TDRD3: variants seen among roughly 807,000 people sequenced by gnomAD.
The protein encoded by TDRD3 is tudor domain-containing protein 3.
A neutral mutation model predicts 86.7 loss-of-function variants in TDRD3; 45 were observed. The observed-to-expected ratio is 0.52, with a 90% CI of 0.41 to 0.67. TDRD3 has a LOEUF of 0.67. Among genes scored for constraint, TDRD3 ranks in the 30% least tolerant of loss-of-function variants. The pLI is 0.00. For missense variants in TDRD3, 814 were observed against 889.0 expected (o/e 0.92, Z 1.07); for synonymous variants, 298 against 301.7 (o/e 0.99, Z 0.13).
intron 5 of TDRD3, among the ~76,000 whole-genome samples, chr13:60,474,813 A>G (rs889079731): frequency 4.0e-5 from 6 of 151,852 alleles, no homozygotes; most frequent in Non-Finnish European, 5.9e-5. Flanking sequence ...GTAAAGATCA[A>G]GTTCCTGCAT....
chr13:60,443,789 T>C (rs1566195345), intron 2 of TDRD3, among the ~76,000 whole-genome samples: 1 of 151,920 alleles, frequency 6.6e-6, no homozygotes, highest in East Asian at 1.9e-4. Context: ...GAGCTACTGT[T>C]TACTATATTA....
chr13:60,407,104 C>T (rs1194588007), intron 1 of TDRD3, among the ~76,000 whole-genome samples: 1 of 152,138 alleles, frequency 6.6e-6, no homozygotes, highest in African/African-American at 2.4e-5. Context: ...GGAATTGACT[C>T]AGTTCAAGCT....
intron 7 of TDRD3, among the ~76,000 whole-genome samples, chr13:60,489,855 T>G (rs781249092): frequency 6.6e-6 from 1 of 152,164 alleles, no homozygotes; most frequent in Non-Finnish European, 1.5e-5. Context: ...AGAATATATT[T>G]TTTAAAATGA....
At chr13:60,423,320 AACAT>A in intron 1 of TDRD3, among the ~76,000 whole-genome samples, 1 of 152,306 alleles carries the variant, frequency 6.6e-6, no homozygotes, top group Non-Finnish European at 1.5e-5. Flanking sequence ...CATACATAGA[AACAT>A]ACCAGTAACA....
At chr13:60,431,896 G>C (rs952735612) in intron 1 of TDRD3, among the ~76,000 whole-genome samples, 6 of 151,778 alleles carry the variant, frequency 4.0e-5, no homozygotes, top group Admixed American at 6.6e-5. Context: ...ACTTTAAATA[G>C]TACGTACCTT....
chr13:60,494,682 T>A (rs73208075), intron 8 of TDRD3, 107 bp downstream of exon 8: 4 of 966,564 alleles, frequency 4.1e-6, no homozygotes, highest in Non-Finnish European at 5.8e-6. Context: ...TATGGATAGA[T>A]GTTATAACTC....
intron 5 of TDRD3, among the ~76,000 whole-genome samples, chr13:60,479,736 A>T (rs1956271292): frequency 6.6e-6 from 1 of 152,126 alleles, no homozygotes; most frequent in Non-Finnish European, 1.5e-5. Flanking sequence ...TGAATTCTTT[A>T]TTATTATGTA....
At chr13:60,525,569 A>G (rs1304008279) in intron 10 of TDRD3, among the ~76,000 whole-genome samples, 1 of 152,208 alleles carries the variant, frequency 6.6e-6, no homozygotes, top group Non-Finnish European at 1.5e-5. Flanking sequence ...GTTCATTATT[A>G]ACAAAATTAC....
intron 2 of TDRD3, among the ~76,000 whole-genome samples, chr13:60,444,291 A>G (rs1324483121): frequency 6.6e-6 from 1 of 151,970 alleles, no homozygotes; most frequent in Non-Finnish European, 1.5e-5. Flanking sequence ...TGTCAAGGTT[A>G]TATGAGATTC....
chr13:60,494,384 A>G, intron 7 of TDRD3, 51 bp from the exon 8 acceptor site: 1 of 1,465,730 alleles, frequency 6.8e-7, no homozygotes, highest in Non-Finnish European at 9.1e-7. Flanking sequence ...TTTTAGAACT[A>G]TTTTTAAATG....
chr13:60,558,335 ATGAG>A (rs1457761661), intron 12 of TDRD3, among the ~76,000 whole-genome samples: 1 of 152,196 alleles, frequency 6.6e-6, no homozygotes, highest in Non-Finnish European at 1.5e-5. Context: ...GACATAAACT[ATGAG>A]AGAGTGAAAT....
chr13:60,567,764 C>A, intron 13 of TDRD3, 114 bp downstream of exon 13: 1 of 1,389,088 alleles, frequency 7.2e-7, no homozygotes, highest in Non-Finnish European at 9.8e-7. Context: ...ACTCTTGTTG[C>A]CCAGGCTGGA....
chr13:60,475,509 C>T (rs1169741688), intron 5 of TDRD3, among the ~76,000 whole-genome samples: 1 of 152,176 alleles, frequency 6.6e-6, no homozygotes, highest in Non-Finnish European at 1.5e-5. Context: ...TGGACCTCTT[C>T]ACTGATTCCA....
intron 1 of TDRD3, among the ~76,000 whole-genome samples, chr13:60,423,621 A>G (rs1954719154): frequency 6.6e-6 from 1 of 152,250 alleles, no homozygotes; most frequent in African/African-American, 2.4e-5. Context: ...AGGATTTACT[A>G]ACAAAACCAA....
chr13:60,407,303 G>GT (rs1410675458), intron 1 of TDRD3, among the ~76,000 whole-genome samples: 1 of 152,178 alleles, frequency 6.6e-6, no homozygotes, highest in African/African-American at 2.4e-5. Flanking sequence ...TGGAATGAAT[G>GT]TTACTCTCAT....
At chr13:60,555,996 G>A (rs922060409) in intron 12 of TDRD3, among the ~76,000 whole-genome samples, 20 of 151,796 alleles carry the variant, frequency 1.3e-4, no homozygotes, top group Admixed American at 7.9e-4. Flanking sequence ...GACTACAGGC[G>A]CCCGCCACCA....
At chr13:60,508,806 G>A (rs1956992559) in intron 8 of TDRD3, among the ~76,000 whole-genome samples, 1 of 152,096 alleles carries the variant, frequency 6.6e-6, no homozygotes, top group Admixed American at 6.6e-5. Flanking sequence ...TGGGGAGGAG[G>A]CACAATCTGA....
chr13:60,411,487 G>A (rs9538682), intron 1 of TDRD3, among the ~76,000 whole-genome samples: 30,197 of 152,070 alleles, frequency 0.2, 3,631 homozygotes, highest in South Asian at 0.29. Flanking sequence ...GATTAAATAC[G>A]AAACTGGCCT....
chr13:60,423,560 T>G (rs1207972171), intron 1 of TDRD3, among the ~76,000 whole-genome samples: 1 of 152,186 alleles, frequency 6.6e-6, no homozygotes, highest in Non-Finnish European at 1.5e-5. Flanking sequence ...CATTAATAAC[T>G]TCCATAAAGT....
Sources: gnomAD v4.1 joint callset for allele counts (sites outside exome capture counted in the v4.1 genomes callset) on GRCh38, gnomAD v4.1.1 for gene constraint, MANE v1.5 for transcripts, NCBI Gene and HGNC (gene_info 2026-07-23, HGNC 2026-07-21) for gene names.